Variants in ZNF583 observed in about 807,000 individuals in gnomAD.
ZNF583 encodes zinc finger protein 583.
A neutral mutation model predicts 55.3 loss-of-function variants in ZNF583; 30 were observed. The ratio of observed to expected loss-of-function variants is 0.54; its 90% confidence interval spans 0.41 to 0.74. The LOEUF is 0.74. Ranked by LOEUF, ZNF583 falls within the 30% of genes least tolerant of loss-of-function variation. The pLI is 0.00. For synonymous variants in ZNF583, 208 were observed against 220.0 expected, an observed-to-expected ratio of 0.95 and a Z score of 0.48; for missense variants, 504 against 664.7, an observed-to-expected ratio of 0.76 and a Z score of 2.66.
intron 2 of ZNF583, among the ~76,000 whole-genome samples, chr19:56,409,303 C>A (rs923847415): frequency 1.3e-5 from 2 of 152,126 alleles, no homozygotes; most frequent in African/African-American, 4.8e-5. Context: ...TGAGTGAGAC[C>A]AGGATAGCTA....
intron 4 of ZNF583, among the ~76,000 whole-genome samples, chr19:56,420,230 CTAGG>C (rs1383795183): frequency 6.6e-6 from 1 of 152,138 alleles, no homozygotes; most frequent in Non-Finnish European, 1.5e-5. Flanking sequence ...TTGGAGTTGA[CTAGG>C]TATTATTGAT....
chr19:56,420,558 T>G (rs1600375222), intron 4 of ZNF583, among the ~76,000 whole-genome samples: 1 of 152,230 alleles, frequency 6.6e-6, no homozygotes, highest in South Asian at 2.1e-4. Context: ...TCTTACACTT[T>G]CAATTTTTGT....
At position 56,414,625 on chromosome 19, in the gene ZNF583, A is replaced by T. The variant is rs185221696; in HGVS notation, c.232+185A>T. 3 of 568,342 alleles carry T rather than the reference A, an allele frequency of 5.3e-6. No homozygotes were observed. The Admixed American group carries it at 9.5e-5, about 18-fold the overall frequency. 35.2% of individuals were successfully genotyped at this position (568,342 alleles called of 1,614,324 possible). ...TTGTTCTCTCTGTCTATATTCTCTCACAAGTTACAGTCTTCTCTGACAGTA... is the reference window on the plus strand; with the variant it reads ...TTGTTCTCTCTGTCTATATTCTCTCTCAAGTTACAGTCTTCTCTGACAGTA... On this transcript the variant is annotated intron_variant, in intron 4 of 4. Transcript: ENST00000333201.
chr19:56,407,321 C>T lies in ZNF583; in HGVS notation c.9+198C>T, dbSNP rs1339437507. Reference sequence around the variant, plus strand: ...TTTCCACAGCCAGCATTTTTATCTTCACTCAAGAAATAGTTCAGCACCTTC... The same window carrying T: ...TTTCCACAGCCAGCATTTTTATCTTTACTCAAGAAATAGTTCAGCACCTTC... On this transcript the variant is annotated intron_variant, in intron 2 of 4. Transcript: ENST00000333201. Among the ~76,000 whole-genome samples the T allele has an allele frequency of 3.9e-5, 6 of 152,186 alleles. No homozygotes were observed. The East Asian group carries it at 9.6e-4, about 24-fold the overall frequency.
At chr19:56,405,300 T>C (rs914686981) in intron 1 of ZNF583, among the ~76,000 whole-genome samples, 3 of 152,016 alleles carry the variant, frequency 2.0e-5, no homozygotes, top group Non-Finnish European at 4.4e-5. Flanking sequence ...ATCCCGACAG[T>C]GAGTGTGACA....
intron 2 of ZNF583, among the ~76,000 whole-genome samples, chr19:56,409,986 CCTT>C (rs1423095642): frequency 6.6e-6 from 1 of 151,974 alleles, no homozygotes; most frequent in East Asian, 1.9e-4. Context: ...ATGTAGTAAT[CCTT>C]CTTTCTTCTG....
chr19:56,416,054 G>A (rs1041094808), intron 4 of ZNF583, among the ~76,000 whole-genome samples: 9 of 151,428 alleles, frequency 5.9e-5, no homozygotes, highest in Non-Finnish European at 7.4e-5. Context: ...TTGGTCGGGC[G>A]TGGTGGCTTA....
rs1228303229 is a variant in ZNF583, at chr19:56,426,422, G to A, written c.*2054G>A. 6.6e-6 allele frequency: 1 copy of A among 152,088 alleles called. No homozygotes were observed. Among genetic ancestry groups the A allele is most frequent in the Admixed American group, 6.5e-5 (1 of 15,270 alleles). The allele number at this position is 152,088 out of a possible 1,614,324, so 9.4% of individuals were successfully genotyped here. A position where few individuals can be genotyped will look rare whatever the true frequency, so the allele number is the denominator to read the frequency against. ...AAGCCTCCCCACCTCCTGTCAACAA[G>A]TCATAGATTTGACTGTATAAGAACT... On this transcript the variant is annotated 3_prime_UTR_variant, in exon 5 of 5. Coordinates refer to ENST00000333201, the MANE Select transcript of ZNF583 (RefSeq NM_152478.3).
At chr19:56,422,833 T>C in intron 4 of ZNF583, 58 bp from the exon 5 acceptor site, 1 of 1,370,378 alleles carries the variant, frequency 7.3e-7, no homozygotes, top group Non-Finnish European at 9.8e-7. Context: ...GTTTTTGTTT[T>C]AGAAATTTCT....
rs2042271941 is a variant in ZNF583 at position 56,413,647 on chromosome 19, A to G, written c.10-312A>G. Among the ~76,000 whole-genome samples the G allele has an allele frequency of 2.0e-5, 3 of 152,302 alleles. No individual in the cohort carries two copies. In the South Asian group the frequency reaches 6.2e-4, roughly 32 times the overall value. ...ATTGAGAAATGCTCTGGCATTTAGTATGAATAACATATTTTATACTTTATT... is the reference window on the plus strand; with the variant it reads ...ATTGAGAAATGCTCTGGCATTTAGTGTGAATAACATATTTTATACTTTATT... On this transcript the variant is annotated intron_variant, in intron 2 of 4. Coordinates refer to ENST00000333201, the MANE Select transcript of ZNF583 (RefSeq NM_152478.3).
At position 56,426,256 on chromosome 19, in the gene ZNF583, G is replaced by A. The variant is rs368373078; in HGVS notation, c.*1888G>A. 11 of 152,036 alleles carry A rather than the reference G, an allele frequency of 7.2e-5. No homozygotes were observed. Among genetic ancestry groups the A allele is most frequent in the Non-Finnish European group, 1.5e-4 (10 of 67,998 alleles). 9.4% of individuals were successfully genotyped at this position (152,036 alleles called of 1,614,324 possible). A position where few individuals can be genotyped will look rare whatever the true frequency, so the allele number is the denominator to read the frequency against. On this transcript the variant is annotated 3_prime_UTR_variant, in exon 5 of 5. Coordinates refer to ENST00000333201, the MANE Select transcript of ZNF583 (RefSeq NM_152478.3). Reference sequence around the variant, plus strand: ...TTTAACAGTTTTGGAAAAATTTATCGTGCTCTATACAACAATTCATTCCAT... The same window carrying A: ...TTTAACAGTTTTGGAAAAATTTATCATGCTCTATACAACAATTCATTCCAT...
intron 2 of ZNF583, among the ~76,000 whole-genome samples, chr19:56,413,192 TG>T: frequency 6.6e-6 from 1 of 152,338 alleles, no homozygotes; most frequent in Admixed American, 6.5e-5. Context: ...ATGTGTAATA[TG>T]AAATGTAAAA....
Position 56,423,866 on chromosome 19 carries a change from CT to C in ZNF583, c.1209del (p.Gly404GlufsTer145). On this transcript the variant is annotated frameshift_variant, in exon 5 of 5. Transcript: ENST00000333201. LOFTEE classifies it high-confidence loss of function. The part of the protein sequence containing the change: ...AHLAQHQRVH[T>X]GEKPYECKVC... Reference sequence around the variant, plus strand: ...CTTGCTCAACATCAGAGAGTTCATACTGGAGAAAAACCTTATGAATGTAAAG... The same window carrying C: ...CTTGCTCAACATCAGAGAGTTCATACGGAGAAAAACCTTATGAATGTAAAG... 1 of 1,614,014 alleles carries C rather than the reference CT, an allele frequency of 6.2e-7. No homozygotes were observed. Among genetic ancestry groups the C allele is most frequent in the South Asian group, 1.1e-5 (1 of 91,078 alleles).
rs1248725175 is a variant in ZNF583, at chr19:56,414,327, T to G, written c.137-18T>G. 1 of 1,613,370 alleles carries G rather than the reference T, an allele frequency of 6.2e-7. No individual in the cohort carries two copies. Among genetic ancestry groups the G allele is most frequent in the South Asian group, 1.1e-5 (1 of 91,072 alleles). ...ATTTATAGACCTGCCTAATTCCCCT[T>G]TTGTTTTTTGTAAGCAGGAGTTTCT... On this transcript the variant is annotated intron_variant, in intron 3 of 4. Transcript: ENST00000333201.
In ZNF583 at chr19:56,423,763, G is replaced by T; in HGVS notation, c.1105G>T (p.Val369Leu). 6.2e-7 allele frequency: 1 copy of T among 1,608,260 alleles called. No individual in the cohort carries two copies. The highest frequency in any genetic ancestry group is 8.5e-7 in the Non-Finnish European group (1 of 1,178,440). Residue 369 changes from valine to leucine, a missense_variant, in exon 5 of 5, where the codon GTA (valine) becomes TTA (leucine). This residue lies in a region of ZNF583 where 237 missense variants were observed against 373.0 expected (regional missense o/e 0.64). Transcript: ENST00000333201. ...KAFSHRGYLI[V>L]HQRIHTGERP... ...CTTTAGCCATCGTGGATACCTAATT[G>T]TACATCAGAGAATTCATACTGGAGA...
intron 4 of ZNF583, chr19:56,414,910 G>C: frequency 6.6e-6 from 1 of 150,770 alleles, no homozygotes; most frequent in Non-Finnish European, 1.4e-5. Context: ...GCACGCGCCT[G>C]TAATCCCATC....
In ZNF583 at chr19:56,423,756, C is replaced by T. The variant is rs747063772; in HGVS notation, c.1098C>T (p.Tyr366=). The T allele has an allele frequency of 6.2e-7, 1 of 1,612,826 alleles. No individual in the cohort carries two copies. The highest frequency in any genetic ancestry group is 1.3e-5 in the African/African-American group (1 of 74,592). ...GGAAAGCCTTTAGCCATCGTGGATA[C>T]CTAATTGTACATCAGAGAATTCATA... The part of the protein sequence containing the change: ...VCGKAFSHRG[Y]LIVHQRIHTG... Residue 366 remains tyrosine (Y), a synonymous_variant, in exon 5 of 5, where the codon TAC becomes TAT. Transcript: ENST00000333201.
upstream of ZNF583, chr19:56,404,170 G>A (rs1360446525): frequency 2.0e-5 from 3 of 152,470 alleles, no homozygotes; most frequent in Non-Finnish European, 4.4e-5. This position sits in a 1 kb window ranked among gnomAD's most constrained non-coding sequence, Gnocchi z 5.2. Flanking sequence ...GATTCTGAAG[G>A]CCAGCGGAGG....
chr19:56,424,355 G>T lies in ZNF583; in HGVS notation c.1697G>T (p.Gly566Val). The change falls in exon 5 of 5, where the codon GGT becomes GTT. Residue 566 changes from glycine (G) to valine (V), a missense_variant. Gly to Val is a moderately radical substitution (Grantham distance 109). Coordinates refer to ENST00000333201, the MANE Select transcript of ZNF583 (RefSeq NM_152478.3). ...STSNQLPRPV[G>V]FIS is the part of the protein sequence containing the mutation. ...TCAAATCAGTTGCCAAGACCTGTAG[G>T]TTTCATCTCCTGAATATTTCTGGAA... The T allele has an allele frequency of 1.4e-6, 2 of 1,412,312 alleles. No homozygotes were observed. Among genetic ancestry groups the T allele is most frequent in the Non-Finnish European group, 1.0e-6 (1 of 1,001,102 alleles). The allele number at this position is 1,412,312 out of a possible 1,614,324, so 87.5% of individuals were successfully genotyped here. A position where few individuals can be genotyped will look rare whatever the true frequency, so the allele number is the denominator to read the frequency against.
Sources: gnomAD v4.1 joint callset for allele counts (sites outside exome capture counted in the v4.1 genomes callset) on GRCh38, gnomAD v4.1.1 for gene constraint, gnomAD v4.1.1 regional missense constraint, Gnocchi (gnomAD v3.1) non-coding constraint, MANE v1.5 for transcripts, NCBI Gene and HGNC (gene_info 2026-07-23, HGNC 2026-07-21) for gene names.